Variants in CHODL observed in about 807,000 individuals in gnomAD.
CHODL encodes transmembrane protein MT75.
A neutral mutation model predicts 34.5 loss-of-function variants in CHODL; 29 were observed. The ratio of observed to expected loss-of-function variants is 0.84; its 90% confidence interval spans 0.63 to 1.15. CHODL has a LOEUF of 1.15. CHODL is among the 50% of genes most tolerant of loss of function. The pLI is 0.00. For missense variants in CHODL, 332 were observed against 332.5 expected, an observed-to-expected ratio of 1.00 and a Z score of 0.01; for synonymous variants, 125 against 116.1, an observed-to-expected ratio of 1.08 and a Z score of -0.49.
intron 2 of CHODL, among the ~76,000 whole-genome samples, chr21:18,113,528 GA>G (rs1568893270): frequency 1.3e-5 from 2 of 152,144 alleles, no homozygotes; most frequent in Non-Finnish European, 2.9e-5. Context: ...GGCAAAAGGT[GA>G]AGGGGAAGCA....
chr21:18,141,472 C>A (rs58702427), intron 2 of CHODL, among the ~76,000 whole-genome samples: 1 of 151,848 alleles, frequency 6.6e-6, no homozygotes, highest in South Asian at 2.1e-4. Context: ...ATCTTAGTGT[C>A]TGAGACATAG....
intron 2 of CHODL, among the ~76,000 whole-genome samples, chr21:18,209,899 G>C (rs2073754976): frequency 6.6e-6 from 1 of 152,134 alleles, no homozygotes; most frequent in African/African-American, 2.4e-5. Context: ...TAGTATCCAA[G>C]TTCCAAGTCC....
At chr21:18,184,732 G>T (rs1487814732) in intron 2 of CHODL, among the ~76,000 whole-genome samples, 1 of 152,164 alleles carries the variant, frequency 6.6e-6, no homozygotes, top group Non-Finnish European at 1.5e-5. Context: ...CAGGGGCAGA[G>T]GTGGGCCAAC....
intron 2 of CHODL, among the ~76,000 whole-genome samples, chr21:18,183,718 A>G (rs1260619156): frequency 1.3e-5 from 2 of 152,200 alleles, no homozygotes; most frequent in Non-Finnish European, 2.9e-5. Flanking sequence ...TGTAACAAAG[A>G]GAAATCTTAA....
rs1408166254 is a variant in CHODL, at chr21:17,985,122, G to T, written c.-144-42750G>T. On this transcript the variant is annotated intron_variant, in intron 1 of 6. Coordinates refer to the CHODL transcript ENST00000400127. ...TGATTGGGATTGCATTAAGTTTATA[G>T]ATTATTTTGGAGAAAACGGATGTAT... Among the ~76,000 whole-genome samples, 3 of 152,174 alleles carry T rather than the reference G, an allele frequency of 2.0e-5. No homozygotes were observed. The East Asian group carries it at 5.8e-4, about 29-fold the overall frequency.
At chr21:18,228,517 C>T (rs143963327) in intron 2 of CHODL, among the ~76,000 whole-genome samples, 118 of 152,166 alleles carry the variant, frequency 7.8e-4, no homozygotes, top group African/African-American at 2.6e-3. Context: ...GGCAGTTCCT[C>T]GGGGGTTTGT....
chr21:18,093,396 A>T (rs1296324017), intron 2 of CHODL, among the ~76,000 whole-genome samples: 1 of 152,180 alleles, frequency 6.6e-6, no homozygotes, highest in Non-Finnish European at 1.5e-5. Flanking sequence ...TCATTTAAAG[A>T]TACAAAAGTC....
chr21:18,077,499 G>A, intron 2 of CHODL, among the ~76,000 whole-genome samples: 1 of 152,140 alleles, frequency 6.6e-6, no homozygotes, highest in East Asian at 1.9e-4. Context: ...TGGTCCAAAT[G>A]TTTGTGTCCC....
chr21:18,094,928 A>G (rs1269221952), intron 2 of CHODL, among the ~76,000 whole-genome samples: 3 of 152,106 alleles, frequency 2.0e-5, no homozygotes, highest in Non-Finnish European at 2.9e-5. Flanking sequence ...GTTCAAGACC[A>G]GGCTGGCCAA....
intron 1 of CHODL, among the ~76,000 whole-genome samples, chr21:17,919,889 A>C (rs1009650689): frequency 6.6e-6 from 1 of 152,138 alleles, no homozygotes; most frequent in Admixed American, 6.5e-5. Flanking sequence ...CATCTTTCTC[A>C]AGTTCAGAGT....
chr21:18,179,127 T>G (rs1222742448), intron 2 of CHODL, among the ~76,000 whole-genome samples: 1 of 152,234 alleles, frequency 6.6e-6, no homozygotes, highest in Non-Finnish European at 1.5e-5. Flanking sequence ...CTCAAGAAAC[T>G]TGAGGCCTCA....
At chr21:18,261,760 T>G (rs1314321187) in intron 4 of CHODL, among the ~76,000 whole-genome samples, 4 of 152,196 alleles carry the variant, frequency 2.6e-5, no homozygotes, top group African/African-American at 9.6e-5. Context: ...TGTATGGAAT[T>G]ACAGTGTCAC....
chr21:18,120,693 A>G (rs1258297414), intron 2 of CHODL, among the ~76,000 whole-genome samples: 4 of 152,238 alleles, frequency 2.6e-5, no homozygotes, highest in East Asian at 1.9e-4. Flanking sequence ...ATGTTTTCCT[A>G]TGCTGTCCAT....
Position 18,041,995 on chromosome 21 carries a change from G to A in CHODL, c.-45+14024G>A, listed in dbSNP as rs2064381868. 3.3e-5 allele frequency among the ~76,000 whole-genome samples: 5 copies of A among 151,626 alleles called. No individual in the cohort carries two copies. In the South Asian group the frequency reaches 1.0e-3, roughly 32 times the overall value. Reference sequence around the variant, plus strand: ...TTAATTTTTAGGTAGAATTTGGAGAGGTGAAAAAATCTTGCTTCTTCTCAT... The same window carrying A: ...TTAATTTTTAGGTAGAATTTGGAGAAGTGAAAAAATCTTGCTTCTTCTCAT... On this transcript the variant is annotated intron_variant, in intron 2 of 6. Coordinates refer to the CHODL transcript ENST00000400127.
At chr21:18,237,583 T>TA (rs2146765662) in intron 2 of CHODL, among the ~76,000 whole-genome samples, 1 of 152,254 alleles carries the variant, frequency 6.6e-6, no homozygotes, top group Non-Finnish European at 1.5e-5. Flanking sequence ...TTGCAGTTCT[T>TA]ATTATACATC....
At chr21:18,058,746 A>G (rs376539892) in intron 2 of CHODL, among the ~76,000 whole-genome samples, 1 of 152,156 alleles carries the variant, frequency 6.6e-6, no homozygotes, top group South Asian at 2.1e-4. Flanking sequence ...GCTCATGAGC[A>G]TCTAACATTC....
chr21:18,026,327 T>A (rs913616021), intron 1 of CHODL, among the ~76,000 whole-genome samples: 3 of 152,198 alleles, frequency 2.0e-5, no homozygotes, highest in African/African-American at 7.2e-5. Flanking sequence ...CAGTAACATT[T>A]GTGGGTAAAG....
At chr21:18,141,286 A>G (rs1040587877) in intron 2 of CHODL, among the ~76,000 whole-genome samples, 4 of 152,044 alleles carry the variant, frequency 2.6e-5, no homozygotes, top group Non-Finnish European at 4.4e-5. Context: ...ATAATTTAGT[A>G]GAAGTATATA....
At chr21:18,207,003 T>C (rs2073719825) in intron 2 of CHODL, among the ~76,000 whole-genome samples, 1 of 152,104 alleles carries the variant, frequency 6.6e-6, no homozygotes, top group Non-Finnish European at 1.5e-5. Context: ...GTCATTTACA[T>C]TAGGTATTTC....
Sources: gnomAD v4.1 joint callset for allele counts (sites outside exome capture counted in the v4.1 genomes callset) on GRCh38, gnomAD v4.1.1 for gene constraint, MANE v1.5 for transcripts, NCBI Gene and HGNC (gene_info 2026-07-23, HGNC 2026-07-21) for gene names.